Variants in ECH1 observed in about 807,000 individuals in gnomAD.
The protein encoded by ECH1 is delta(3,5)-Delta(2,4)-dienoyl-CoA isomerase, mitochondrial.
Under a neutral mutation model 37.0 loss-of-function variants are expected in ECH1, and 30 were observed. The ratio of observed to expected loss-of-function variants is 0.81; its 90% confidence interval spans 0.61 to 1.10. The LOEUF (loss-of-function observed/expected upper bound fraction) is 1.10. Among genes scored for constraint, ECH1 ranks in the 50% least tolerant of loss-of-function variants. The probability of loss-of-function intolerance (pLI) is 0.00; values close to 1 mark genes in which losing one functional copy is unlikely to be tolerated. For missense variants in ECH1, 456 were observed against 441.6 expected, an observed-to-expected ratio of 1.03 and a Z score of -0.29; for synonymous variants, 178 against 176.0, an observed-to-expected ratio of 1.01 and a Z score of -0.09.
chr19:38,817,172 A>G, intron 5 of ECH1, 43 bp from the exon 6 acceptor site: 1 of 1,553,986 alleles, frequency 6.4e-7, no homozygotes, highest in Non-Finnish European at 8.7e-7. Flanking sequence ...CACCAGAACC[A>G]ACCCTGGCTC....
At chr19:38,820,076 T>C in intron 3 of ECH1, 1 of 733,160 alleles carries the variant, frequency 1.4e-6, no homozygotes, top group Non-Finnish European at 1.6e-6. Flanking sequence ...TTTTTTTTTT[T>C]TTGAGATGTA....
rs575346838 is a variant in ECH1 at position 38,826,874 on chromosome 19, C to T, written c.349+4204G>A. On this transcript the variant is annotated intron_variant, in intron 3 of 9. Transcript: ENST00000221418. The stretch of plus-strand genomic sequence containing the variant: ...CTTTTGGCTCCCAGTTCAGAAGCCT[C>T]GAGCCAGCAGGCTACTCTAGATCTC... 3.9e-5 allele frequency among the ~76,000 whole-genome samples: 6 copies of T among 152,120 alleles called. No individual in the cohort carries two copies. In the East Asian group the frequency reaches 5.8e-4, roughly 15 times the overall value.
chr19:38,818,235 G>A (rs962177108), intron 3 of ECH1: 1 of 985,342 alleles, frequency 1.0e-6, no homozygotes, highest in South Asian at 4.7e-5. Flanking sequence ...CAGACAGCCT[G>A]GGACTCAAGG....
chr19:38,821,370 C>T (rs957976447), intron 3 of ECH1, among the ~76,000 whole-genome samples: 2 of 152,214 alleles, frequency 1.3e-5, no homozygotes, highest in South Asian at 2.1e-4. Flanking sequence ...AGCCCTTGCT[C>T]GCTGGCCTCA....
Position 38,831,507 on chromosome 19 carries a change from C to T in ECH1, c.62G>A (p.Gly21Asp), listed in dbSNP as rs769247471. 6 of 1,613,536 alleles carry T rather than the reference C, an allele frequency of 3.7e-6. No individual in the cohort carries two copies. In the South Asian group the frequency reaches 5.5e-5, roughly 15 times the overall value. The change falls in exon 2 of 10, where the codon GGC (glycine) becomes GAC (aspartate). Residue 21 changes from glycine (G) to aspartate (D), a missense_variant. Coordinates refer to ENST00000221418, the MANE Select transcript of ECH1 (RefSeq NM_001398.3). ...LRDLLTRRLT[G>D]SNYPGLSISL... ...AATACTGAGTCCCGGGTAGTTGGAG[C>T]CTGTCAGTCCTGGGGAGAAAGGAAC... is the stretch of plus-strand genomic sequence containing the variant.
chr19:38,818,196 T>A (rs947087310), intron 3 of ECH1: 2 of 982,534 alleles, frequency 2.0e-6, no homozygotes, highest in African/African-American at 3.5e-5. Flanking sequence ...TGCAGCTGGC[T>A]CCAGAGGCCA....
At chr19:38,828,686 G>A (rs896746942) in intron 3 of ECH1, among the ~76,000 whole-genome samples, 26 of 152,002 alleles carry the variant, frequency 1.7e-4, no homozygotes, top group African/African-American at 6.3e-4. Context: ...CGCCATCTCG[G>A]CTCACTGCAA....
In ECH1 at chr19:38,817,483, G is replaced by A. The variant is rs201210987; in HGVS notation, c.442C>T (p.Arg148Ter). Reference protein sequence around the residue: ...ISWYLRDIITRYQETFNVIER... With the variant: ...ISWYLRDIIT ...ATGACGTTGAAGGTCTCCTGGTATC[G>A]AGTGATGATGTCACGGAGGTACCAG... is the stretch of plus-strand genomic sequence containing the variant. Residue 148 changes from arginine (R) to a stop codon, truncating the protein, a stop_gained, in exon 4 of 10, where the codon CGA becomes TGA. Transcript: ENST00000221418. LOFTEE classifies it high-confidence loss of function. 4.1e-4 allele frequency: 654 copies of A among 1,613,874 alleles called. 2 individuals are homozygous for A. The highest frequency in any genetic ancestry group is 2.6e-3 in the East Asian group (115 of 44,872).
chr19:38,818,377 C>T (rs1443937318), intron 3 of ECH1: 3 of 985,322 alleles, frequency 3.0e-6, no homozygotes, highest in African/African-American at 1.7e-5. Context: ...CAGTTGTTCT[C>T]CATGAGCCCA....
At chr19:38,816,397 G>T in intron 7 of ECH1, 42 bp from the exon 8 acceptor site, 1 of 1,613,904 alleles carries the variant, frequency 6.2e-7, no homozygotes, top group Non-Finnish European at 8.5e-7. Context: ...TGCCACCCCG[G>T]GGCTGGGAGA....
rs1258734228 is a variant in ECH1, at chr19:38,815,996, G to A, written c.743C>T (p.Pro248Leu). 1 of 1,613,208 alleles carries A rather than the reference G, an allele frequency of 6.2e-7. No individual in the cohort carries two copies. Among genetic ancestry groups the A allele is most frequent in the Non-Finnish European group, 8.5e-7 (1 of 1,180,016 alleles). The change falls in exon 9 of 10, where the codon CCA becomes CTA. Residue 248 changes from proline (P) to leucine (L), a missense_variant. Transcript: ENST00000221418. Reference protein sequence around the residue: ...LGSGLVSRVFPDKEVMLDAAL... With the variant: ...LGSGLVSRVFLDKEVMLDAAL... ...AGCATCCAGCATGACCTCTTTGTCTGGGAACACCCGGCTGCAGTGAAAGAG... is the reference window on the plus strand; with the variant it reads ...AGCATCCAGCATGACCTCTTTGTCTAGGAACACCCGGCTGCAGTGAAAGAG...
chr19:38,817,858 G>T, intron 3 of ECH1: 1 of 686,084 alleles, frequency 1.5e-6, no homozygotes, highest in Non-Finnish European at 1.8e-6. Flanking sequence ...GCACAGAGAG[G>T]TTAAGCACTT....
intron 3 of ECH1, among the ~76,000 whole-genome samples, chr19:38,822,796 G>A (rs1157178993): frequency 3.3e-5 from 5 of 152,216 alleles, no homozygotes; most frequent in Non-Finnish European, 7.3e-5. Flanking sequence ...GGATGTGGGT[G>A]GGGACAGATA....
chr19:38,825,254 G>A (rs542645176), intron 3 of ECH1, among the ~76,000 whole-genome samples: 1 of 152,320 alleles, frequency 6.6e-6, no homozygotes, highest in African/African-American at 2.4e-5. Flanking sequence ...CTGGGACCTT[G>A]ACTTAGATCA....
intron 3 of ECH1, 121 bp downstream of exon 3, chr19:38,830,954 CAAA>C (rs574213368): frequency 6.5e-3 from 4,436 of 681,094 alleles, no homozygotes; most frequent in Non-Finnish European, 7.1e-3. Context: ...GACCCCGTCT[CAAA>C]AAAAAAAAAA....
intron 3 of ECH1, among the ~76,000 whole-genome samples, chr19:38,827,469 T>G (rs939392430): frequency 1.1e-4 from 16 of 151,956 alleles, no homozygotes; most frequent in Non-Finnish European, 2.4e-4. Context: ...TCTCTCGGTG[T>G]TTTTGAAAAT....
rs1024341111 is a variant in ECH1 at position 38,816,924 on chromosome 19, C to T, written c.588+141G>A. On this transcript the variant is annotated intron_variant, in intron 6 of 9. Coordinates refer to ENST00000221418, the MANE Select transcript of ECH1 (RefSeq NM_001398.3). ...CATACCTTACCCACTCACAACTTCA[C>T]CTCTTGACTTCCTCTATGGGCAAGT... is the stretch of plus-strand genomic sequence containing the variant. 9.2e-6 allele frequency: 9 copies of T among 974,954 alleles called. No individual in the cohort carries two copies. In the African/African-American group the frequency reaches 9.7e-5, roughly 11 times the overall value. 60.4% of individuals were successfully genotyped at this position (974,954 alleles called of 1,614,324 possible). A position where few individuals can be genotyped will look rare whatever the true frequency, so the allele number is the denominator to read the frequency against.
chr19:38,817,343 C>T lies in ECH1; in HGVS notation c.496G>A (p.Ala166Thr), dbSNP rs1302099995. ...CCGCCAATGCAGCCCCCATGGACGG[C>T]AGCAATCACGGGCTTGGGGCACTGA... The part of the protein sequence containing the change: ...IERCPKPVIA[A>T]VHGGCIGGGV... Residue 166 changes from alanine to threonine, a missense_variant, in exon 5 of 10, where the codon GCC becomes ACC. By Grantham distance (58) the Ala-to-Thr change is moderately conservative. Transcript: ENST00000221418. 1 of 1,582,258 alleles carries T rather than the reference C, an allele frequency of 6.3e-7. No individual in the cohort carries two copies. Among genetic ancestry groups the T allele is most frequent in the South Asian group, 1.1e-5 (1 of 87,268 alleles).
At chr19:38,820,501 C>CT (rs1216540903) in intron 3 of ECH1, 10 of 152,204 alleles carry the variant, frequency 6.6e-5, no homozygotes, top group African/African-American at 2.4e-4. Flanking sequence ...GGGTAAGTTT[C>CT]TTGCTCTCTG....
Sources: allele counts gnomAD v4.1 joint callset (sites outside exome capture counted in the v4.1 genomes callset), GRCh38; gene constraint gnomAD v4.1.1; transcripts MANE v1.5; gene names NCBI Gene and HGNC (gene_info 2026-07-23, HGNC 2026-07-21).